The following SCARA5 variants were observed in gnomAD, a reference collection of about 807,000 sequenced individuals.
SCARA5 encodes scavenger receptor class A member 5.
In SCARA5, 45 loss-of-function variants were observed where a neutral mutation model predicts 46.3. The ratio of observed to expected loss-of-function variants is 0.97; its 90% CI spans 0.76 to 1.24. The LOEUF is 1.24. SCARA5 is among the 50% of genes most tolerant of loss of function. The pLI, the probability that SCARA5 is intolerant of heterozygous loss-of-function variation, is 0.00. For missense variants in SCARA5, 680 were observed against 689.0 expected (o/e 0.99, Z 0.15); for synonymous variants, 333 against 306.5 (o/e 1.09, Z -0.90).
At chr8:27,953,914 C>T (rs780789858) in intron 3 of SCARA5, among the ~76,000 whole-genome samples, 2 of 152,144 alleles carry the variant, frequency 1.3e-5, no homozygotes, top group African/African-American at 4.8e-5. Context: ...TCCAGAAAGT[C>T]GGGGTCTGCA....
At chr8:27,934,716 T>C (rs528870181) in intron 3 of SCARA5, among the ~76,000 whole-genome samples, 2 of 152,264 alleles carry the variant, frequency 1.3e-5, no homozygotes, top group Non-Finnish European at 2.9e-5. Flanking sequence ...TCTTCCAGAG[T>C]GGAGCAGTGG....
intron 3 of SCARA5, among the ~76,000 whole-genome samples, chr8:27,952,291 G>A (rs1300217381): frequency 5.3e-5 from 8 of 152,112 alleles, no homozygotes; most frequent in East Asian, 1.9e-4. Context: ...TCCATCCTCC[G>A]AGCTGTGAGA....
chr8:27,947,865 A>G (rs1728110368), intron 3 of SCARA5, among the ~76,000 whole-genome samples: 2 of 152,248 alleles, frequency 1.3e-5, no homozygotes, highest in Non-Finnish European at 2.9e-5. Flanking sequence ...ACAGAGTGAA[A>G]AGATAAAATA....
chr8:27,894,208 G>A (rs868247265), intron 7 of SCARA5, among the ~76,000 whole-genome samples: 6 of 152,196 alleles, frequency 3.9e-5, no homozygotes, highest in South Asian at 2.1e-4. Context: ...TTTAACAGAA[G>A]AGAAAACAGG....
intron 3 of SCARA5, among the ~76,000 whole-genome samples, chr8:27,952,055 G>GTGTTCCT (rs6150520): frequency 5.3e-5 from 8 of 152,012 alleles, no homozygotes; most frequent in Non-Finnish European, 1.2e-4. Context: ...TTGGGTTGGG[G>GTGTTCCT]ACCAATATGA....
chr8:27,912,975 C>T (rs750449160), intron 4 of SCARA5, among the ~76,000 whole-genome samples: 44 of 152,336 alleles, frequency 2.9e-4, no homozygotes, highest in Non-Finnish European at 4.7e-4. Context: ...TAGAGAAGGG[C>T]TTCAAAGCCT....
intron 7 of SCARA5, among the ~76,000 whole-genome samples, chr8:27,891,102 A>C (rs1380566063): frequency 2.0e-5 from 3 of 152,150 alleles, no homozygotes; most frequent in African/African-American, 7.2e-5. Flanking sequence ...ATCAGTGACA[A>C]AGACTCTGTA....
intron 2 of SCARA5, among the ~76,000 whole-genome samples, chr8:27,972,700 C>T (rs539798227): frequency 6.6e-6 from 1 of 151,944 alleles, no homozygotes; most frequent in South Asian, 2.1e-4. Context: ...CCTATCTCTA[C>T]AAAAAATTTT....
intron 4 of SCARA5, among the ~76,000 whole-genome samples, chr8:27,918,415 A>G (rs1807501661): frequency 6.6e-6 from 1 of 152,128 alleles, no homozygotes; most frequent in Non-Finnish European, 1.5e-5. Context: ...TCACTCTGAT[A>G]AATGCAGAAA....
At chr8:27,938,639 T>C (rs975259746) in intron 3 of SCARA5, among the ~76,000 whole-genome samples, 2 of 152,220 alleles carry the variant, frequency 1.3e-5, no homozygotes, top group African/African-American at 4.8e-5. Context: ...AGCCTCTGCC[T>C]ACAATGAATC....
chr8:27,920,843 C>T (rs1481150307), intron 4 of SCARA5, among the ~76,000 whole-genome samples: 1 of 150,982 alleles, frequency 6.6e-6, no homozygotes, highest in African/African-American at 2.4e-5. Context: ...AAAACAGTTA[C>T]AGGGCGCCTG....
intron 7 of SCARA5, among the ~76,000 whole-genome samples, chr8:27,882,243 G>T (rs1319366613): frequency 6.6e-6 from 1 of 152,164 alleles, no homozygotes; most frequent in Admixed American, 6.5e-5. Context: ...TTTTAGGACT[G>T]AATGGTATTC....
intron 3 of SCARA5, among the ~76,000 whole-genome samples, chr8:27,959,169 G>A (rs1808255644): frequency 6.6e-6 from 1 of 152,124 alleles, no homozygotes; most frequent in African/African-American, 2.4e-5. Context: ...GGAGGCAGAG[G>A]TTGCAATGAG....
At chr8:27,951,520 G>GC (rs778920179) in intron 3 of SCARA5, among the ~76,000 whole-genome samples, 45 of 152,234 alleles carry the variant, frequency 3.0e-4, no homozygotes, top group Non-Finnish European at 4.1e-4. Flanking sequence ...CAGGGGCAAG[G>GC]CCCCCTGCCC....
chr8:27,963,921 G>A (rs1486568951), intron 3 of SCARA5, among the ~76,000 whole-genome samples: 1 of 152,124 alleles, frequency 6.6e-6, no homozygotes, highest in Non-Finnish European at 1.5e-5. Flanking sequence ...TTTTAAGAAT[G>A]GTTTAAATGG....
intron 3 of SCARA5, among the ~76,000 whole-genome samples, chr8:27,964,350 T>G (rs542796284): frequency 6.6e-6 from 1 of 152,256 alleles, no homozygotes; most frequent in African/African-American, 2.4e-5. Flanking sequence ...CCCAAATTTT[T>G]GTTCAACACA....
intron 4 of SCARA5, among the ~76,000 whole-genome samples, chr8:27,914,871 G>A (rs1322544191): frequency 6.6e-6 from 1 of 152,318 alleles, no homozygotes; most frequent in Non-Finnish European, 1.5e-5. Flanking sequence ...TTCAGGAGAA[G>A]CACCGGGGTT....
At position 27,966,473 on chromosome 8, in the gene SCARA5, G is replaced by A; in HGVS notation, c.182C>T (p.Ala61Val). ...GACCAGCAGGTAGAGCCCCAGGACA[G>A]CATGCTTCAGGGCCGACAGGGACCC... is the stretch of plus-strand genomic sequence containing the variant. ...QLGSLSALKH[A>V]VLGLYLLVFL... Residue 61 changes from alanine (A) to valine (V), a missense_variant, in exon 3 of 9, where the codon GCT becomes GTT. Coordinates refer to ENST00000354914, the MANE Select transcript of SCARA5 (RefSeq NM_173833.6). The A allele has an allele frequency of 6.2e-7, 1 of 1,613,820 alleles. No homozygotes were observed. Among genetic ancestry groups the A allele is most frequent in the Non-Finnish European group, 8.5e-7 (1 of 1,179,844 alleles).
chr8:27,976,089 G>GA (rs1808519446), intron 2 of SCARA5, among the ~76,000 whole-genome samples: 1 of 152,088 alleles, frequency 6.6e-6, no homozygotes, highest in African/African-American at 2.4e-5. Context: ...TTTGGGAAGG[G>GA]ATGCCCGGTG....
Sources: gnomAD v4.1 joint callset for allele counts (sites outside exome capture counted in the v4.1 genomes callset) on GRCh38, gnomAD v4.1.1 for gene constraint, MANE v1.5 for transcripts, NCBI Gene and HGNC (gene_info 2026-07-23, HGNC 2026-07-21) for gene names.